Variants in DTD1 observed in about 807,000 individuals in gnomAD.
The protein encoded by DTD1 is D-tyrosyl-tRNA deacylase 1 homolog.
DTD1 carries 13 observed loss-of-function variants against 25.6 expected under a neutral mutation model. That is an observed-to-expected ratio of 0.51 (90% CI 0.33 to 0.81). The LOEUF (loss-of-function observed/expected upper bound fraction) is 0.81. DTD1 is among the 30% of genes least tolerant of loss of function. The pLI, the probability that DTD1 is intolerant of heterozygous loss-of-function variation, is 0.02. For missense variants in DTD1, 193 were observed against 266.4 expected (o/e 0.72, Z 1.92); for synonymous variants, 110 against 103.6 (o/e 1.06, Z -0.37).
chr20:18,663,813 C>T (rs1024064993), intron 4 of DTD1, among the ~76,000 whole-genome samples: 1 of 152,150 alleles, frequency 6.6e-6, no homozygotes, highest in Non-Finnish European at 1.5e-5. Context: ...GAATGAGTGC[C>T]AGCGGGGGAA....
intron 3 of DTD1, among the ~76,000 whole-genome samples, chr20:18,606,796 A>T (rs1304237242): frequency 3.9e-5 from 3 of 77,300 alleles, no homozygotes. Context: ...GGGAGGGGGG[A>T]GGGATAGCAT....
intron 4 of DTD1, among the ~76,000 whole-genome samples, chr20:18,648,541 G>C (rs1486841371): frequency 6.6e-6 from 1 of 152,146 alleles, no homozygotes; most frequent in Non-Finnish European, 1.5e-5. Flanking sequence ...AAAAATGCCA[G>C]ACTCCTTGTT....
At chr20:18,614,450 G>A (rs2060700919) in intron 3 of DTD1, among the ~76,000 whole-genome samples, 1 of 152,188 alleles carries the variant, frequency 6.6e-6, no homozygotes, top group Non-Finnish European at 1.5e-5. Context: ...AAATGACAGA[G>A]TTCACGGCCA....
chr20:18,702,258 T>C (rs2061108150), intron 4 of DTD1, among the ~76,000 whole-genome samples: 1 of 152,196 alleles, frequency 6.6e-6, no homozygotes, highest in Admixed American at 6.5e-5. Flanking sequence ...AATCCACAAC[T>C]GTGTATGGTA....
rs1338507188 is a variant in DTD1 at position 18,708,295 on chromosome 20, ATAATATATATATTTT to A, written c.478-35804_478-35790del. Among the ~76,000 whole-genome samples the A allele has an allele frequency of 6.6e-4, 39 of 59,198 alleles. 1 individual carries two copies. The highest frequency in any genetic ancestry group is 1.0e-3 in the Non-Finnish European group (34 of 32,504). The allele number at this position is 59,198 out of a possible 152,430, so 38.8% of individuals were successfully genotyped here. A position where few individuals can be genotyped will look rare whatever the true frequency, so the allele number is the denominator to read the frequency against. ...TATATATAATATATATTATATATAT[ATAATATATATATTTT>A]ATATATATATTATATATATATATTT... On this transcript the variant is annotated intron_variant, in intron 4 of 5. Coordinates refer to ENST00000377452, the MANE Select transcript of DTD1 (RefSeq NM_080820.6).
intron 1 of DTD1, among the ~76,000 whole-genome samples, chr20:18,588,407 T>G (rs953764316): frequency 6.6e-6 from 1 of 152,158 alleles, no homozygotes; most frequent in Non-Finnish European, 1.5e-5. Context: ...ACCTTTGTCC[T>G]GCGTGCGGGA....
chr20:18,667,399 C>T (rs1010287074), intron 4 of DTD1, among the ~76,000 whole-genome samples: 2 of 152,128 alleles, frequency 1.3e-5, no homozygotes, highest in African/African-American at 4.8e-5. Context: ...GTCTAAGCGG[C>T]CCTGACGAGC....
intron 4 of DTD1, among the ~76,000 whole-genome samples, chr20:18,742,480 G>A (rs1056857791): frequency 1.3e-5 from 2 of 152,120 alleles, no homozygotes; most frequent in East Asian, 1.9e-4. Context: ...CCTGAGCTCC[G>A]CCTCCTGTCA....
intron 4 of DTD1, among the ~76,000 whole-genome samples, chr20:18,705,682 C>T (rs1440826223): frequency 1.3e-5 from 2 of 151,864 alleles, no homozygotes; most frequent in South Asian, 2.1e-4. Flanking sequence ...GTGATTCCAC[C>T]GTCTTGGTGG....
intron 4 of DTD1, among the ~76,000 whole-genome samples, chr20:18,693,328 A>T (rs2061055577): frequency 6.6e-6 from 1 of 151,990 alleles, no homozygotes; most frequent in Non-Finnish European, 1.5e-5. Flanking sequence ...AGTGAATAAC[A>T]TTGTTTGTTG....
At chr20:18,649,155 C>T (rs2060863008) in intron 4 of DTD1, among the ~76,000 whole-genome samples, 1 of 151,650 alleles carries the variant, frequency 6.6e-6, no homozygotes, top group Admixed American at 6.6e-5. Flanking sequence ...CATGTCCTGC[C>T]ACCACTGTCT....
intron 4 of DTD1, among the ~76,000 whole-genome samples, chr20:18,743,462 G>A (rs1399044993): frequency 6.6e-6 from 1 of 152,144 alleles, no homozygotes. Flanking sequence ...GGGAGGCCGA[G>A]GTGGGTGGGT....
At chr20:18,731,860 C>T (rs987579691) in intron 4 of DTD1, among the ~76,000 whole-genome samples, 5 of 152,156 alleles carry the variant, frequency 3.3e-5, no homozygotes, top group Non-Finnish European at 7.4e-5. Context: ...GTGTTCTTCT[C>T]TTTCTTTTCT....
At chr20:18,693,735 T>C (rs2061058694) in intron 4 of DTD1, among the ~76,000 whole-genome samples, 1 of 152,122 alleles carries the variant, frequency 6.6e-6, no homozygotes, top group Non-Finnish European at 1.5e-5. Flanking sequence ...CCTTTGCTCC[T>C]TAACCAAGCA....
chr20:18,596,781 T>G (rs1424230701), intron 3 of DTD1, among the ~76,000 whole-genome samples: 1 of 152,058 alleles, frequency 6.6e-6, no homozygotes, highest in Non-Finnish European at 1.5e-5. Flanking sequence ...AGTTTTAGGT[T>G]CACAGTAAAA....
intron 4 of DTD1, among the ~76,000 whole-genome samples, chr20:18,640,120 T>A (rs1250641837): frequency 6.6e-6 from 1 of 151,908 alleles, no homozygotes; most frequent in Non-Finnish European, 1.5e-5. Flanking sequence ...AAGAGTCTCT[T>A]ATTATCATAA....
chr20:18,692,890 A>ATTTTTTT (rs34962546), intron 4 of DTD1, among the ~76,000 whole-genome samples: 4 of 112,466 alleles, frequency 3.6e-5, no homozygotes, highest in Admixed American at 2.3e-4. Context: ...CAGGACATGG[A>ATTTTTTT]TTTTTTTTTT....
chr20:18,590,367 T>C (rs1306808181), intron 1 of DTD1, among the ~76,000 whole-genome samples: 2 of 152,040 alleles, frequency 1.3e-5, no homozygotes, highest in Non-Finnish European at 1.5e-5. Context: ...CACATTTTAC[T>C]ATGTGGTATA....
At chr20:18,589,897 C>T (rs779724774) in intron 1 of DTD1, among the ~76,000 whole-genome samples, 19 of 143,408 alleles carry the variant, frequency 1.3e-4, no homozygotes, top group East Asian at 2.1e-4. Context: ...GTAAATAATT[C>T]GGGAATTCTG....
Sources: gnomAD v4.1 joint callset for allele counts (sites outside exome capture counted in the v4.1 genomes callset) on GRCh38, gnomAD v4.1.1 for gene constraint, MANE v1.5 for transcripts, NCBI Gene and HGNC (gene_info 2026-07-23, HGNC 2026-07-21) for gene names.